Variants in TNN observed in about 807,000 individuals in gnomAD.
TNN encodes the protein tenascin N, also known as tenascin-N.
In TNN, 122 loss-of-function variants were observed where a neutral mutation model predicts 134.4. The ratio of observed to expected loss-of-function variants is 0.91; its 90% CI spans 0.78 to 1.06. The LOEUF (loss-of-function observed/expected upper bound fraction) is 1.06, where lower values mean the gene tolerates loss of function less well. TNN is among the 50% of genes least tolerant of loss of function. The pLI, the probability that TNN is intolerant of heterozygous loss-of-function variation, is 0.00. For missense variants in TNN, 1,739 were observed against 1,699.4 expected, an observed-to-expected ratio of 1.02 and a Z score of -0.41; for synonymous variants, 710 against 670.3, an observed-to-expected ratio of 1.06 and a Z score of -0.91.
At position 175,118,642 on chromosome 1, in the gene TNN, C is replaced by T. The variant is rs1370907581; in HGVS notation, c.2468C>T (p.Thr823Ile). 6.2e-7 allele frequency: 1 copy of T among 1,614,194 alleles called. No individual in the cohort carries two copies. The highest frequency in any genetic ancestry group is 1.1e-5 in the South Asian group (1 of 91,080). The change falls in exon 11 of 19, where the codon ACC becomes ATC. Residue 823 changes from threonine to isoleucine, a missense_variant. By Grantham distance (89) the Thr-to-Ile change is moderately conservative (BLOSUM62 -1). Transcript: ENST00000239462. ...GTCTCCTGGGACCCGGTGCAGGCCA[C>T]CATTGACAGGTATGTGGTGCACTAC... ...ATVSWDPVQA[T>I]IDRYVVHYTS...
At chr1:175,080,480 G>A in intron 4 of TNN, 54 bp downstream of exon 4, 2 of 1,601,758 alleles carry the variant, frequency 1.2e-6, no homozygotes, top group East Asian at 4.5e-5. Flanking sequence ...CATTCTAAAT[G>A]GTTTCTTTCA....
intron 6 of TNN, among the ~76,000 whole-genome samples, chr1:175,089,127 C>T (rs1382321858): frequency 1.3e-5 from 2 of 152,126 alleles, no homozygotes; most frequent in African/African-American, 4.8e-5. Flanking sequence ...TTTATAGGGT[C>T]AGGAAACACT....
chr1:175,098,619 T>G, intron 9 of TNN, 24 bp downstream of exon 9: 3 of 1,613,642 alleles, frequency 1.9e-6, no homozygotes, highest in Non-Finnish European at 2.5e-6. Context: ...ATTATTGCTG[T>G]GCCGATGCCA....
intron 15 of TNN, among the ~76,000 whole-genome samples, chr1:175,133,752 A>G (rs1223156589): frequency 2.0e-5 from 3 of 152,196 alleles, no homozygotes; most frequent in Admixed American, 6.5e-5. Flanking sequence ...TTAGGATAGA[A>G]TGGGCTCCAA....
intron 9 of TNN, among the ~76,000 whole-genome samples, chr1:175,109,234 G>A (rs979565039): frequency 5.0e-4 from 73 of 147,214 alleles, no homozygotes; most frequent in East Asian, 3.9e-4. Flanking sequence ...GACTACAGGC[G>A]CCCGCCACCG....
chr1:175,138,012 A>G (rs1675858420), intron 17 of TNN, among the ~76,000 whole-genome samples: 4 of 152,034 alleles, frequency 2.6e-5, no homozygotes, highest in Admixed American at 2.6e-4. Context: ...AAAGGGGCAA[A>G]CTCAAGTGGG....
At chr1:175,072,159 T>C (rs1673929311) in intron 1 of TNN, among the ~76,000 whole-genome samples, 1 of 152,198 alleles carries the variant, frequency 6.6e-6, no homozygotes, top group African/African-American at 2.4e-5. Context: ...ATGCAGCCCA[T>C]GGTCAGTCGT....
intron 1 of TNN, among the ~76,000 whole-genome samples, chr1:175,074,484 G>GAA (rs55952749): frequency 1.1e-3 from 135 of 118,992 alleles, no homozygotes; most frequent in East Asian, 2.4e-3. Context: ...GATCCTGTCT[G>GAA]AAAAAAAAAA....
chr1:175,125,609 TTC>T lies in TNN; in HGVS notation c.2915-1333_2915-1332del, dbSNP rs749853192. ...TCCCTCTTTCTTTCTCTTTCTTTCT[TTC>T]TCTCTCTCTCTCCCTTTCTCTCTTC... is the stretch of plus-strand genomic sequence containing the variant. On this transcript the variant is annotated intron_variant, in intron 12 of 18. Coordinates refer to ENST00000239462, the MANE Select transcript of TNN (RefSeq NM_022093.2). 1.2e-3 allele frequency among the ~76,000 whole-genome samples: 176 copies of T among 146,688 alleles called. 1 individual carries two copies. Among genetic ancestry groups the T allele is most frequent in the African/African-American group, 2.2e-3 (86 of 39,924 alleles).
In TNN at chr1:175,144,520, TG is replaced by T; in HGVS notation, c.3731del (p.Gly1244AlafsTer12). Reference sequence around the variant, plus strand: ...AGAACTGCCACTTGGCCAACCCTAATGGCAGATATGGGGAGACCAAGCACAG... The same window carrying T: ...AGAACTGCCACTTGGCCAACCCTAATGCAGATATGGGGAGACCAAGCACAG... ...YKNCHLANPN[G>X]RYGETKHSEG... On this transcript the variant is annotated frameshift_variant, in exon 18 of 19. Coordinates refer to ENST00000239462, the MANE Select transcript of TNN (RefSeq NM_022093.2). LOFTEE classifies it high-confidence loss of function. 1 of 1,614,236 alleles carries T rather than the reference TG, an allele frequency of 6.2e-7. No homozygotes were observed. The highest frequency in any genetic ancestry group is 1.6e-4 in the Middle Eastern group (1 of 6,062).
chr1:175,133,469 C>T (rs1675724577), intron 15 of TNN, among the ~76,000 whole-genome samples: 1 of 152,220 alleles, frequency 6.6e-6, no homozygotes, highest in South Asian at 2.1e-4. Context: ...CCTCCTGTTC[C>T]TTGAGCTCTC....
intron 11 of TNN, among the ~76,000 whole-genome samples, chr1:175,123,099 T>C (rs1574168556): frequency 6.6e-6 from 1 of 152,226 alleles, no homozygotes; most frequent in African/African-American, 2.4e-5. Context: ...AAAGAGGTTA[T>C]ATCCACAGCA....
intron 12 of TNN, 135 bp from the exon 13 acceptor site, chr1:175,126,820 G>A (rs372373036): frequency 1.1e-6 from 1 of 923,308 alleles, no homozygotes; most frequent in African/African-American, 1.7e-5. Flanking sequence ...GGGAGGAAGA[G>A]AGCCTGCAAA....
chr1:175,105,703 G>T (rs937487535), intron 9 of TNN, among the ~76,000 whole-genome samples: 1 of 145,582 alleles, frequency 6.9e-6, no homozygotes, highest in Non-Finnish European at 1.5e-5. Flanking sequence ...AGGAAAAAAT[G>T]AGCCTCCTCT....
intron 6 of TNN, among the ~76,000 whole-genome samples, chr1:175,088,087 G>T (rs762283650): frequency 4.6e-5 from 7 of 152,122 alleles, no homozygotes; most frequent in Admixed American, 6.5e-5. Context: ...GTCCTTTTGG[G>T]TTCTCATGGA....
rs1187786305 is a variant in TNN at position 175,077,594 on chromosome 1, A to T, written c.176A>T (p.Asp59Val). 4.3e-6 allele frequency: 7 copies of T among 1,614,190 alleles called. No homozygotes were observed. The highest frequency in any genetic ancestry group is 5.9e-6 in the Non-Finnish European group (7 of 1,180,042). The stretch of plus-strand genomic sequence containing the variant: ...CCCAAGTCTGCCTTGGTTCAGGTTG[A>T]CGCTGACCCTCAGCCCCTCAGTGAC... The part of the protein sequence containing the change: ...DVPKSALVQV[D>V]ADPQPLSDDG... The change falls in exon 2 of 19, where the codon GAC becomes GTC. Residue 59 changes from aspartate (D) to valine (V), a missense_variant. By Grantham distance (152) the Asp-to-Val change is radical. Coordinates refer to ENST00000239462, the MANE Select transcript of TNN (RefSeq NM_022093.2).
At chr1:175,132,120 A>T (rs1332843687) in intron 15 of TNN, among the ~76,000 whole-genome samples, 3 of 152,292 alleles carry the variant, frequency 2.0e-5, no homozygotes, top group Admixed American at 2.0e-4. Flanking sequence ...CATCGGTGCT[A>T]CATGTATCCT....
chr1:175,130,657 G>A, intron 15 of TNN, among the ~76,000 whole-genome samples: 1 of 152,170 alleles, frequency 6.6e-6, no homozygotes, highest in African/African-American at 2.4e-5. Flanking sequence ...CTGTCAGTCT[G>A]TCTGCCCTGG....
chr1:175,137,020 C>A, intron 17 of TNN, 32 bp downstream of exon 17: 1 of 1,608,378 alleles, frequency 6.2e-7, no homozygotes, highest in South Asian at 1.1e-5. Context: ...CTGCGAAGGT[C>A]TCTTGCTGTC....
Sources: allele counts gnomAD v4.1 joint callset (sites outside exome capture counted in the v4.1 genomes callset), GRCh38; gene constraint gnomAD v4.1.1; transcripts MANE v1.5; gene names NCBI Gene and HGNC (gene_info 2026-07-23, HGNC 2026-07-21).